The following GAS7 variants were observed in gnomAD, a reference collection of about 807,000 sequenced individuals.
GAS7 encodes the protein growth arrest-specific protein 7.
In GAS7, 28 loss-of-function variants were observed where a neutral mutation model predicts 71.1. The observed-to-expected ratio is 0.39, with a 90% CI of 0.29 to 0.54. The LOEUF (loss-of-function observed/expected upper bound fraction) is 0.54. Among genes scored for constraint, GAS7 ranks in the 20% least tolerant of loss-of-function variants. GAS7 has a pLI of 0.62. For synonymous variants in GAS7, 258 were observed against 245.8 expected (o/e 1.05, Z -0.46); for missense variants, 436 against 627.8 (o/e 0.69, Z 3.27).
intron 1 of GAS7, among the ~76,000 whole-genome samples, chr17:10,109,339 G>T (rs148621081): frequency 6.6e-6 from 1 of 152,164 alleles, no homozygotes; most frequent in African/African-American, 2.4e-5. Context: ...TTTAACTTAA[G>T]GTAACATAAT....
chr17:10,148,687 G>A (rs551559710), intron 1 of GAS7, among the ~76,000 whole-genome samples: 34 of 151,526 alleles, frequency 2.2e-4, no homozygotes, highest in African/African-American at 7.8e-4. Flanking sequence ...TGAGGTGGGC[G>A]GATCACGAGG....
In GAS7 at chr17:9,917,011, A is replaced by C; in HGVS notation, c.*217T>G. ...TGGGAGTCAGGGGGTCTTCAGCCTC[A>C]GAGACAAGGGCAGGGCTGTGGGTCT... is the stretch of plus-strand genomic sequence containing the variant. On this transcript the variant is annotated 3_prime_UTR_variant, in exon 14 of 14. Coordinates refer to ENST00000432992, the MANE Select transcript of GAS7 (RefSeq NM_201433.2). 1 of 577,834 alleles carries C rather than the reference A, an allele frequency of 1.7e-6. No individual in the cohort carries two copies. The highest frequency in any genetic ancestry group is 3.1e-6 in the Non-Finnish European group (1 of 323,378). The allele number at this position is 577,834 out of a possible 1,614,324, so 35.8% of individuals were successfully genotyped here.
chr17:10,093,133 G>A (rs945548861), intron 1 of GAS7, among the ~76,000 whole-genome samples: 20 of 152,140 alleles, frequency 1.3e-4, no homozygotes, highest in African/African-American at 2.9e-4. Context: ...GAAAGGGTTC[G>A]GGAGACTGTG....
intron 1 of GAS7, among the ~76,000 whole-genome samples, chr17:10,135,398 A>C (rs1288586227): frequency 6.6e-6 from 1 of 152,172 alleles, no homozygotes; most frequent in African/African-American, 2.4e-5. Context: ...CTTCTGCTTC[A>C]AAACCAGCTT....
rs1445077416 is a variant in GAS7, at chr17:9,969,817, C to T, written c.386-55G>A. The T allele has an allele frequency of 1.4e-5, 17 of 1,176,914 alleles. No individual in the cohort carries two copies. The highest frequency in any genetic ancestry group is 1.9e-5 in the Non-Finnish European group (15 of 783,152). 72.9% of individuals were successfully genotyped at this position (1,176,914 alleles called of 1,614,324 possible). ...TGTGTGGGCCACAGATGGGCACCCC[C>T]GCCTTTCGTCCACTGCAGCCCCTTT... On this transcript the variant is annotated intron_variant, in intron 3 of 13. Coordinates refer to ENST00000432992, the MANE Select transcript of GAS7 (RefSeq NM_201433.2). This position sits in a 1 kb window ranked among gnomAD's most constrained non-coding sequence, Gnocchi z 5.5.
At chr17:9,977,884 C>T (rs1450633226) in intron 3 of GAS7, among the ~76,000 whole-genome samples, 1 of 152,164 alleles carries the variant, frequency 6.6e-6, no homozygotes, top group East Asian at 1.9e-4. Flanking sequence ...GGTGGCCCTT[C>T]AAACTCTCTC....
chr17:10,020,482 A>C (rs1411593397), intron 1 of GAS7, among the ~76,000 whole-genome samples: 1 of 152,248 alleles, frequency 6.6e-6, no homozygotes, highest in Non-Finnish European at 1.5e-5. Context: ...GCAGACGCTG[A>C]CTTCCCATTG....
At chr17:10,180,368 A>T (rs1009972414) in intron 1 of GAS7, among the ~76,000 whole-genome samples, 1 of 150,854 alleles carries the variant, frequency 6.6e-6, no homozygotes, top group Non-Finnish European at 1.5e-5. Flanking sequence ...ACTGAGGTAG[A>T]AGTTAAGGTA....
rs35195748 is a variant in GAS7 at position 9,921,958 on chromosome 17, C to CAAAA, written c.1139-2257_1139-2254dup. Among the ~76,000 whole-genome samples the CAAAA allele has an allele frequency of 1.4e-3, 121 of 89,224 alleles. 1 individual carries two copies. Among genetic ancestry groups the CAAAA allele is most frequent in the African/African-American group, 4.7e-3 (114 of 24,206 alleles). The allele number at this position is 89,224 out of a possible 152,430, so 58.5% of individuals were successfully genotyped here. A position where few individuals can be genotyped will look rare whatever the true frequency, so the allele number is the denominator to read the frequency against. ...TGGGCGACAGAGCAAGACTCCATCTCAAAAAAAAAAAAAAAAAAGCCTTTG... is the reference window on the plus strand; with the variant it reads ...TGGGCGACAGAGCAAGACTCCATCTCAAAAAAAAAAAAAAAAAAAAAAGCCTTTG... On this transcript the variant is annotated intron_variant, in intron 11 of 13. Transcript: ENST00000432992.
intron 11 of GAS7, among the ~76,000 whole-genome samples, chr17:9,923,168 A>G (rs8073859): frequency 0.39 from 59,929 of 151,782 alleles, 11,932 homozygotes; most frequent in Non-Finnish European, 0.43. Context: ...GGGCCTCCCA[A>G]AGTGCTGGGA....
In GAS7 at chr17:9,959,682, T is replaced by C. The variant is rs77892008; in HGVS notation, c.472-427A>G. Among the ~76,000 whole-genome samples the C allele has an allele frequency of 0.073, 11,169 of 152,126 alleles. 1,213 individuals are homozygous for C. Among genetic ancestry groups the C allele is most frequent in the African/African-American group, 0.24 (10,122 of 41,420 alleles). ...GGAATCAGCACACGACATTTTATTC[T>C]GAAACCCCCCGGGTCCAAAACGTCA... is the stretch of plus-strand genomic sequence containing the variant. On this transcript the variant is annotated intron_variant, in intron 4 of 13. Transcript: ENST00000432992. This position sits in a 1 kb window ranked among gnomAD's most constrained non-coding sequence, Gnocchi z 5.0.
intron 2 of GAS7, among the ~76,000 whole-genome samples, chr17:10,010,505 G>A (rs2071727478): frequency 6.6e-6 from 1 of 152,118 alleles, no homozygotes; most frequent in Non-Finnish European, 1.5e-5. Flanking sequence ...AAGGGTCAGA[G>A]AGTAAATATT....
At chr17:9,986,419 T>G (rs1230178131) in intron 2 of GAS7, among the ~76,000 whole-genome samples, 2 of 152,204 alleles carry the variant, frequency 1.3e-5, no homozygotes, top group Non-Finnish European at 2.9e-5. Context: ...GTTTGCCTAC[T>G]ACCTGCGAGC....
rs979228657 is a variant in GAS7, at chr17:10,034,605, G to A, written c.184-14708C>T. On this transcript the variant is annotated intron_variant, in intron 1 of 13. Transcript: ENST00000432992. This position sits in a 1 kb window ranked among gnomAD's most constrained non-coding sequence, Gnocchi z 4.4. Reference sequence around the variant, plus strand: ...ATTACAGGCGTGAGCCACTGCGCCCGGCCCAATAATTCTAAATGTCAGCAT... The same window carrying A: ...ATTACAGGCGTGAGCCACTGCGCCCAGCCCAATAATTCTAAATGTCAGCAT... Among the ~76,000 whole-genome samples, 2 of 152,238 alleles carry A rather than the reference G, an allele frequency of 1.3e-5. No homozygotes were observed. The highest frequency in any genetic ancestry group is 1.9e-4 in the East Asian group (1 of 5,170).
At chr17:10,068,356 C>T (rs1254224036) in intron 1 of GAS7, among the ~76,000 whole-genome samples, 1 of 152,144 alleles carries the variant, frequency 6.6e-6, no homozygotes, top group Non-Finnish European at 1.5e-5. Flanking sequence ...GGTTTCCTTC[C>T]CTGACCTGAA....
At position 10,103,252 on chromosome 17, in the gene GAS7, G is replaced by T. The variant is rs187625842; in HGVS notation, c.184-83355C>A. Among the ~76,000 whole-genome samples, 235 of 152,184 alleles carry T rather than the reference G, an allele frequency of 1.5e-3. 1 individual carries two copies. Among genetic ancestry groups the T allele is most frequent in the Middle Eastern group, 0.01 (3 of 294 alleles). On this transcript the variant is annotated intron_variant, in intron 1 of 13. Transcript: ENST00000432992. This position sits in a 1 kb window ranked among gnomAD's most constrained non-coding sequence, Gnocchi z 5.5. ...CTAGCTACTCAGGAGGCTAAGGTGG[G>T]AGAATCACCTGAGCCTGGGGAGTAG... is the stretch of plus-strand genomic sequence containing the variant.
chr17:10,005,148 T>C (rs567098958), intron 2 of GAS7, among the ~76,000 whole-genome samples: 42 of 72,768 alleles, frequency 5.8e-4, no homozygotes, highest in African/African-American at 1.2e-3. Flanking sequence ...CGCGCACGCA[T>C]GCATGCATGT....
rs1231512366 is a variant in GAS7 at position 9,974,335 on chromosome 17, C to A, written c.386-4573G>T. Among the ~76,000 whole-genome samples the A allele has an allele frequency of 6.6e-6, 1 of 152,170 alleles. No homozygotes were observed. The highest frequency in any genetic ancestry group is 1.5e-5 in the Non-Finnish European group (1 of 68,032). ...GCCCACAAGATCCTGGCAACCCTCA[C>A]CCACGGCATTCCTCATTGCTATTCC... is the stretch of plus-strand genomic sequence containing the variant. On this transcript the variant is annotated intron_variant, in intron 3 of 13. Coordinates refer to ENST00000432992, the MANE Select transcript of GAS7 (RefSeq NM_201433.2). The surrounding 1 kb of genome is among the most constrained non-coding windows in gnomAD (Gnocchi z 4.0).
chr17:10,058,251 T>TAA (rs1296714039), intron 1 of GAS7, among the ~76,000 whole-genome samples: 60 of 151,512 alleles, frequency 4.0e-4, no homozygotes, highest in African/African-American at 1.4e-3. Flanking sequence ...CAATAAATAC[T>TAA]AAAAACAAAA....
Sources: gnomAD v4.1 joint callset for allele counts (sites outside exome capture counted in the v4.1 genomes callset) on GRCh38, gnomAD v4.1.1 for gene constraint, Gnocchi (gnomAD v3.1) non-coding constraint, MANE v1.5 for transcripts, NCBI Gene and HGNC (gene_info 2026-07-23, HGNC 2026-07-21) for gene names.